The following KEL variants were observed in gnomAD, a reference collection of about 807,000 sequenced individuals.
The protein encoded by KEL is Kell metallo-endopeptidase (Kell blood group).
A neutral mutation model predicts 99.5 loss-of-function variants in KEL; 96 were observed. The ratio of observed to expected loss-of-function variants is 0.97; its 90% CI spans 0.82 to 1.14. The LOEUF (loss-of-function observed/expected upper bound fraction) is 1.14, where lower values mean the gene tolerates loss of function less well. Ranked by LOEUF, KEL falls within the 50% of genes most tolerant of loss-of-function variation. The probability of loss-of-function intolerance (pLI) is 0.00; values close to 1 mark genes in which losing one functional copy is unlikely to be tolerated. For synonymous variants in KEL, 355 were observed against 354.8 expected, an observed-to-expected ratio of 1.00 and a Z score of -0.01; for missense variants, 926 against 924.2, an observed-to-expected ratio of 1.00 and a Z score of -0.03.
chr7:142,958,263 T>C lies in KEL; in HGVS notation c.525+41A>G, dbSNP rs562426381. 2.4e-5 allele frequency: 38 copies of C among 1,613,772 alleles called. No individual in the cohort carries two copies. The East Asian group carries it at 5.8e-4, about 25-fold the overall frequency. On this transcript the variant is annotated intron_variant, in intron 5 of 18. Coordinates refer to ENST00000355265, the MANE Select transcript of KEL (RefSeq NM_000420.3). ...GCCCTAAGCATGCATTGGTCCCATA[T>C]GTTATGTATCCAGAAAAGTTAATAT...
chr7:142,955,506 G>C (rs1335502413), intron 6 of KEL, among the ~76,000 whole-genome samples: 1 of 152,040 alleles, frequency 6.6e-6, no homozygotes, highest in Admixed American at 6.5e-5. Context: ...ATGTATTGTT[G>C]CATTGATTTT....
At chr7:142,958,121 T>G in intron 5 of KEL, 148 bp from the exon 6 acceptor site, 3 of 1,303,816 alleles carry the variant, frequency 2.3e-6, no homozygotes, top group Non-Finnish European at 3.2e-6. Flanking sequence ...CTTTTTTATC[T>G]GCCTTCTCCC....
Position 142,954,192 on chromosome 7 carries a change from G to C in KEL, c.916C>G (p.Gln306Glu), listed in dbSNP as rs777838657. ...CCCCCAGTTCCAGGCACCTTGAGCT[G>C]GTCGATAGTGACCATCTGGAAGAGC... ...GKLFQMVTID[Q>E]LKEMAPAIDW... Residue 306 changes from glutamine to glutamate, a missense_variant, in exon 8 of 19, where the codon CAG becomes GAG. Physicochemically the swap from Gln to Glu is conservative, Grantham distance 29 (BLOSUM62 2). Transcript: ENST00000355265. 1 of 1,610,072 alleles carries C rather than the reference G, an allele frequency of 6.2e-7. No individual in the cohort carries two copies. The highest frequency in any genetic ancestry group is 2.2e-5 in the East Asian group (1 of 44,882).
chr7:142,941,498 C>A, intron 18 of KEL, 85 bp from the exon 19 acceptor site: 1 of 1,328,286 alleles, frequency 7.5e-7, no homozygotes. Flanking sequence ...GGACAGCAGA[C>A]AAAGAGGGGA....
chr7:142,943,689 T>A, intron 14 of KEL, 93 bp from the exon 15 acceptor site: 4 of 1,446,152 alleles, frequency 2.8e-6, no homozygotes, highest in Non-Finnish European at 3.9e-6. Flanking sequence ...CCATTACTGT[T>A]CATGCTGCCT....
At chr7:142,952,262 C>T (rs1796704080) in intron 10 of KEL, among the ~76,000 whole-genome samples, 3 of 152,144 alleles carry the variant, frequency 2.0e-5, no homozygotes, top group Admixed American at 2.0e-4. Context: ...TGAGCTCAAA[C>T]ACCCAGCAAG....
intron 10 of KEL, among the ~76,000 whole-genome samples, chr7:142,949,529 T>G (rs1205545464): frequency 6.6e-6 from 1 of 152,258 alleles, no homozygotes; most frequent in African/African-American, 2.4e-5. Context: ...TTATTGTCTT[T>G]CTTCTTTCAC....
intron 6 of KEL, 106 bp from the exon 7 acceptor site, chr7:142,954,633 A>C: frequency 1.0e-6 from 1 of 960,550 alleles, no homozygotes; most frequent in Non-Finnish European, 1.7e-6. Context: ...GGAGATGGAC[A>C]CAAAGATTGG....
Position 142,961,851 on chromosome 7 carries a change from C to T in KEL, c.25G>A (p.Glu9Lys). The T allele has an allele frequency of 6.2e-7, 1 of 1,614,122 alleles. No homozygotes were observed. Residue 9 changes from glutamate to lysine, a missense_variant, in exon 2 of 19, where the codon GAA (glutamate) becomes AAA (lysine). Physicochemically the swap from Glu to Lys is moderately conservative, Grantham distance 56. Transcript: ENST00000355265. ...GCCTGGCTGCGTTCCCTCGGCTCTTCCTCACTTTGGTCCCCACCTTCCTGA... is the reference window on the plus strand; with the variant it reads ...GCCTGGCTGCGTTCCCTCGGCTCTTTCTCACTTTGGTCCCCACCTTCCTGA... The part of the protein sequence containing the change: MEGGDQSE[E>K]EPRERSQAGG...
chr7:142,944,549 G>T (rs1258273693), intron 12 of KEL, 94 bp downstream of exon 12: 6 of 1,221,126 alleles, frequency 4.9e-6, no homozygotes, highest in South Asian at 1.2e-5. Context: ...TGCCTGGGGG[G>T]GCCTTTGGCA....
At chr7:142,955,553 A>G (rs1209539080) in intron 6 of KEL, among the ~76,000 whole-genome samples, 2 of 152,158 alleles carry the variant, frequency 1.3e-5, no homozygotes, top group Non-Finnish European at 2.9e-5. Flanking sequence ...ACTATTTATC[A>G]TGATACTGAG....
At chr7:142,951,494 T>A (rs1796684656) in intron 10 of KEL, among the ~76,000 whole-genome samples, 1 of 152,170 alleles carries the variant, frequency 6.6e-6, no homozygotes, top group South Asian at 2.1e-4. Flanking sequence ...CTGCCAGGGT[T>A]CAAATCCTCA....
intron 9 of KEL, chr7:142,953,193 T>C (rs1165812768): frequency 4.7e-6 from 1 of 211,282 alleles, no homozygotes; most frequent in Non-Finnish European, 8.2e-6. Flanking sequence ...GCCACCCAGG[T>C]ATCAGGGGAG....
intron 2 of KEL, 64 bp from the exon 3 acceptor site, chr7:142,961,565 G>A (rs1375284157): frequency 2.0e-6 from 3 of 1,522,688 alleles, no homozygotes; most frequent in Non-Finnish European, 2.7e-6. Flanking sequence ...ATGGGAAGAA[G>A]AGGAGAGAGA....
intron 10 of KEL, among the ~76,000 whole-genome samples, chr7:142,949,435 T>C (rs1796618661): frequency 6.6e-6 from 1 of 152,248 alleles, no homozygotes; most frequent in Non-Finnish European, 1.5e-5. Context: ...TAACTACCAC[T>C]CACTTAGCAT....
intron 10 of KEL, among the ~76,000 whole-genome samples, chr7:142,950,307 T>A (rs1222410076): frequency 1.3e-5 from 2 of 152,210 alleles, no homozygotes; most frequent in East Asian, 3.8e-4. Context: ...CTCCCCACTA[T>A]TGTCCTAGTC....
intron 11 of KEL, chr7:142,945,030 C>G: frequency 2.0e-6 from 1 of 504,664 alleles, no homozygotes; most frequent in Non-Finnish European, 3.6e-6. Flanking sequence ...AGACAGTGTC[C>G]TCACTCCTGG....
intron 4 of KEL, 86 bp downstream of exon 4, chr7:142,960,842 A>G: frequency 7.5e-7 from 1 of 1,337,780 alleles, no homozygotes; most frequent in Non-Finnish European, 1.1e-6. Flanking sequence ...TTGTTCCACA[A>G]CTACACAGGG....
intron 11 of KEL, among the ~76,000 whole-genome samples, chr7:142,945,284 G>A (rs8176025): frequency 0.037 from 5,562 of 152,298 alleles, 347 homozygotes; most frequent in African/African-American, 0.13. Flanking sequence ...GAAAATGAAA[G>A]GCAATATCGA....
Sources: allele counts gnomAD v4.1 joint callset (sites outside exome capture counted in the v4.1 genomes callset), GRCh38; gene constraint gnomAD v4.1.1; transcripts MANE v1.5; gene names NCBI Gene and HGNC (gene_info 2026-07-23, HGNC 2026-07-21).